Variants in MAGI2 observed in about 807,000 individuals in gnomAD.
The protein encoded by MAGI2 is membrane associated guanylate kinase, WW and PDZ domain containing 2.
Under a neutral mutation model 133.3 loss-of-function variants are expected in MAGI2, and 35 were observed. The ratio of observed to expected loss-of-function variants is 0.26; its 90% CI spans 0.20 to 0.35. MAGI2 has a LOEUF of 0.35. MAGI2 is among the 10% of genes least tolerant of loss of function. The pLI, the probability that MAGI2 is intolerant of heterozygous loss-of-function variation, is 1.00. For synonymous variants in MAGI2, 729 were observed against 710.6 expected (o/e 1.03, Z -0.41); for missense variants, 1,636 against 1,863.4 (o/e 0.88, Z 2.25).
At chr7:78,094,157 C>A (rs1037686199) in intron 20 of MAGI2, among the ~76,000 whole-genome samples, 6 of 152,130 alleles carry the variant, frequency 3.9e-5, no homozygotes, top group African/African-American at 1.4e-4. Flanking sequence ...CTGACTGTAC[C>A]CCTTAATTTG....
chr7:79,199,564 C>G (rs1418037028), intron 1 of MAGI2, among the ~76,000 whole-genome samples: 3 of 151,968 alleles, frequency 2.0e-5, no homozygotes, highest in African/African-American at 7.3e-5. Flanking sequence ...AAGCACGTTT[C>G]TTAACCTACG....
At chr7:79,003,602 C>G (rs912047045) in intron 2 of MAGI2, among the ~76,000 whole-genome samples, 4 of 152,148 alleles carry the variant, frequency 2.6e-5, no homozygotes, top group African/African-American at 9.7e-5. Flanking sequence ...AAATGTGATT[C>G]CATACTCAAT....
At chr7:79,062,814 C>G (rs1351300086) in intron 1 of MAGI2, among the ~76,000 whole-genome samples, 1 of 152,034 alleles carries the variant, frequency 6.6e-6, no homozygotes, top group South Asian at 2.1e-4. Flanking sequence ...ATGATGAGTG[C>G]AATGAGGAAA....
chr7:78,821,648 C>T (rs1790124585), intron 2 of MAGI2, among the ~76,000 whole-genome samples: 2 of 152,062 alleles, frequency 1.3e-5, no homozygotes, highest in South Asian at 4.1e-4. Flanking sequence ...ATTTATAAAA[C>T]TATTTAAAGT....
At chr7:79,267,867 G>C (rs1834597069) in intron 1 of MAGI2, among the ~76,000 whole-genome samples, 1 of 152,202 alleles carries the variant, frequency 6.6e-6, no homozygotes, top group Non-Finnish European at 1.5e-5. Context: ...TTGAGGAGTA[G>C]TAAGCAATTT....
At chr7:78,912,614 G>A (rs945836398) in intron 2 of MAGI2, among the ~76,000 whole-genome samples, 2 of 151,854 alleles carry the variant, frequency 1.3e-5, no homozygotes, top group African/African-American at 2.4e-5. Context: ...TGGACTCCAA[G>A]TTCTTCAGTT....
rs531819990 is a variant in MAGI2 at position 78,880,479 on chromosome 7, C to T, written c.418+126611G>A. Reference sequence around the variant, plus strand: ...GATTTTCATGTCCCCCCAAACTAAGCTTTGTAAGTGAAGGAGAAATGAAAT... The same window carrying T: ...GATTTTCATGTCCCCCCAAACTAAGTTTTGTAAGTGAAGGAGAAATGAAAT... On this transcript the variant is annotated intron_variant, in intron 2 of 21. Coordinates refer to ENST00000354212, the MANE Select transcript of MAGI2 (RefSeq NM_012301.4). 6.6e-5 allele frequency among the ~76,000 whole-genome samples: 10 copies of T among 152,238 alleles called. No individual in the cohort carries two copies. The South Asian group carries it at 2.1e-3, about 32-fold the overall frequency.
chr7:78,298,480 T>G (rs1409625881), intron 9 of MAGI2, among the ~76,000 whole-genome samples: 1 of 152,198 alleles, frequency 6.6e-6, no homozygotes, highest in East Asian at 1.9e-4. Flanking sequence ...CTCTCTGTAC[T>G]GTCTTCACAA....
At chr7:79,394,689 CA>C (rs1182551851) in intron 1 of MAGI2, among the ~76,000 whole-genome samples, 1 of 152,190 alleles carries the variant, frequency 6.6e-6, no homozygotes, top group Non-Finnish European at 1.5e-5. Flanking sequence ...CTTCATTCTA[CA>C]AACAGTAATC....
intron 2 of MAGI2, among the ~76,000 whole-genome samples, chr7:78,687,738 G>A (rs1045418599): frequency 2.0e-5 from 3 of 152,008 alleles, no homozygotes; most frequent in Non-Finnish European, 2.9e-5. Flanking sequence ...GGAGGCTGAG[G>A]CGGGTGGATC....
At chr7:78,895,961 AT>A (rs1313271661) in intron 2 of MAGI2, among the ~76,000 whole-genome samples, 2 of 152,208 alleles carry the variant, frequency 1.3e-5, no homozygotes, top group Non-Finnish European at 1.5e-5. Flanking sequence ...AAGTAATGAT[AT>A]TTGGCATTTG....
intron 1 of MAGI2, among the ~76,000 whole-genome samples, chr7:79,391,412 T>C (rs1417093494): frequency 6.7e-6 from 1 of 150,142 alleles, no homozygotes; most frequent in Non-Finnish European, 1.5e-5. Context: ...ACGGACAACT[T>C]AGGATTGTTG....
intron 2 of MAGI2, among the ~76,000 whole-genome samples, chr7:78,901,951 C>T (rs1425628216): frequency 6.6e-6 from 1 of 151,914 alleles, no homozygotes; most frequent in Non-Finnish European, 1.5e-5. Context: ...CTTTTACATC[C>T]CAGCAATAAG....
chr7:78,253,674 T>G (rs1388075799), intron 10 of MAGI2: 1 of 152,226 alleles, frequency 6.6e-6, no homozygotes, highest in Admixed American at 6.5e-5. Flanking sequence ...GAGAAAGGAC[T>G]GAAAGTCTGG....
In MAGI2 at chr7:78,019,313, G is replaced by T. The variant is rs1402337630; in HGVS notation, c.*2C>A. 96 of 1,564,330 alleles carry T rather than the reference G, an allele frequency of 6.1e-5. No individual in the cohort carries two copies. Among genetic ancestry groups the T allele is most frequent in the Non-Finnish European group, 8.1e-5 (94 of 1,165,082 alleles). On this transcript the variant is annotated 3_prime_UTR_variant, in exon 22 of 22. Transcript: ENST00000354212. ...CGGGCGGGTTGGCCGTGGCCGCGCG[G>T]CTCATCTGCTGGCGGCCGAGGCGCC...
chr7:79,071,812 A>T (rs1339789007), intron 1 of MAGI2, among the ~76,000 whole-genome samples: 2 of 151,990 alleles, frequency 1.3e-5, no homozygotes, highest in Non-Finnish European at 2.9e-5. Context: ...ACCCCTCCCC[A>T]CCATGTTGGA....
At chr7:78,884,999 A>G (rs1180453930) in intron 2 of MAGI2, among the ~76,000 whole-genome samples, 1 of 152,172 alleles carries the variant, frequency 6.6e-6, no homozygotes, top group African/African-American at 2.4e-5. Flanking sequence ...AATCAGGTCC[A>G]TTTGCAGCAA....
chr7:78,654,891 T>G (rs944694596), intron 2 of MAGI2, among the ~76,000 whole-genome samples: 1 of 151,692 alleles, frequency 6.6e-6, no homozygotes, highest in African/African-American at 2.4e-5. Flanking sequence ...AGTGTGCTGA[T>G]TTCAATGTAA....
At chr7:78,884,662 A>G (rs1056263146) in intron 2 of MAGI2, among the ~76,000 whole-genome samples, 4 of 152,182 alleles carry the variant, frequency 2.6e-5, no homozygotes, top group African/African-American at 9.7e-5. Context: ...TCAAAAAGAC[A>G]AAAAATAATA....
Sources: gnomAD v4.1 joint callset for allele counts (sites outside exome capture counted in the v4.1 genomes callset) on GRCh38, gnomAD v4.1.1 for gene constraint, MANE v1.5 for transcripts, NCBI Gene and HGNC (gene_info 2026-07-23, HGNC 2026-07-21) for gene names.